FGD5: variants seen among roughly 807,000 people sequenced by gnomAD.
FGD5 encodes FYVE, RhoGEF and PH domain-containing protein 5.
Under a neutral mutation model 133.4 loss-of-function variants are expected in FGD5, and 28 were observed. The ratio of observed to expected loss-of-function variants is 0.21; its 90% CI spans 0.16 to 0.29. The LOEUF is 0.29. FGD5 is among the 10% of genes least tolerant of loss of function. The pLI, the probability that FGD5 is intolerant of heterozygous loss-of-function variation, is 1.00. For missense variants in FGD5, 1,858 were observed against 1,895.2 expected, an observed-to-expected ratio of 0.98 and a Z score of 0.36; for synonymous variants, 810 against 776.5, an observed-to-expected ratio of 1.04 and a Z score of -0.72.
chr3:14,835,736 C>A (rs752132668), intron 1 of FGD5, among the ~76,000 whole-genome samples: 5 of 152,162 alleles, frequency 3.3e-5, no homozygotes, highest in Non-Finnish European at 7.3e-5. Flanking sequence ...CCTTGCAAGG[C>A]CATGGGTGAG....
chr3:14,836,069 G>A (rs1461790356), intron 1 of FGD5, among the ~76,000 whole-genome samples: 2 of 152,204 alleles, frequency 1.3e-5, no homozygotes, highest in Non-Finnish European at 2.9e-5. Flanking sequence ...AGAGTCAGAC[G>A]TAGAACCCAG....
chr3:14,921,120 G>A (rs1339497846), intron 13 of FGD5, among the ~76,000 whole-genome samples: 1 of 152,238 alleles, frequency 6.6e-6, no homozygotes, highest in Non-Finnish European at 1.5e-5. Context: ...TAGCATGCCA[G>A]TCACCTTCCT....
intron 1 of FGD5, among the ~76,000 whole-genome samples, chr3:14,857,941 A>G (rs1044987799): frequency 6.6e-6 from 1 of 152,154 alleles, no homozygotes; most frequent in Non-Finnish European, 1.5e-5. Context: ...GGAAAAAAAA[A>G]AAAGCTGAGA....
chr3:14,902,953 C>T (rs529250132), intron 9 of FGD5, among the ~76,000 whole-genome samples: 19 of 152,332 alleles, frequency 1.2e-4, no homozygotes, highest in Middle Eastern at 3.4e-3. Flanking sequence ...TGAAGTTGGA[C>T]GCTGTGCTGG....
chr3:14,920,110 C>T (rs1434323946), intron 13 of FGD5, among the ~76,000 whole-genome samples: 2 of 152,050 alleles, frequency 1.3e-5, no homozygotes, highest in African/African-American at 4.8e-5. Context: ...GCAAGGTAAG[C>T]TCAAGCTCTC....
chr3:14,904,510 G>T (rs2038302349), intron 9 of FGD5, among the ~76,000 whole-genome samples: 1 of 151,934 alleles, frequency 6.6e-6, no homozygotes, highest in Non-Finnish European at 1.5e-5. Flanking sequence ...TTCAGGGTGT[G>T]TGTGTGTGTT....
chr3:14,836,756 C>T (rs987395842), intron 1 of FGD5, among the ~76,000 whole-genome samples: 2 of 152,074 alleles, frequency 1.3e-5, no homozygotes, highest in East Asian at 1.9e-4. Flanking sequence ...AGGCAGACCC[C>T]GATTGCTGAT....
chr3:14,932,503 C>A, intron 18 of FGD5, 74 bp from the exon 19 acceptor site: 1 of 1,513,946 alleles, frequency 6.6e-7, no homozygotes, highest in South Asian at 1.3e-5. Flanking sequence ...TCACGCATCT[C>A]AGATTGGAGA....
rs1366350674 is a variant in FGD5, at chr3:14,922,346, G to A, written c.3670-65G>A. ...ACAGAGACGCAGGGCAGGGCTCACTGGGCTCTGCATCTGGCTGGTCTCCTG... is the reference window on the plus strand; with the variant it reads ...ACAGAGACGCAGGGCAGGGCTCACTAGGCTCTGCATCTGGCTGGTCTCCTG... On this transcript the variant is annotated intron_variant, in intron 14 of 19. Transcript: ENST00000285046. This position sits in a 1 kb window ranked among gnomAD's most constrained non-coding sequence, Gnocchi z 4.1. The A allele has an allele frequency of 1.3e-6, 2 of 1,545,526 alleles. No homozygotes were observed. The highest frequency in any genetic ancestry group is 1.7e-6 in the Non-Finnish European group (2 of 1,143,146).
chr3:14,863,244 G>A (rs368811756), intron 1 of FGD5, among the ~76,000 whole-genome samples: 1 of 152,218 alleles, frequency 6.6e-6, no homozygotes, highest in Non-Finnish European at 1.5e-5. Flanking sequence ...CTGGGGCCAC[G>A]TTGCCAATGG....
intron 1 of FGD5, among the ~76,000 whole-genome samples, chr3:14,841,811 C>T (rs1051744188): frequency 4.6e-5 from 7 of 152,168 alleles, no homozygotes; most frequent in Admixed American, 2.6e-4. Flanking sequence ...CATTTCCACT[C>T]ACTCCCTCAA....
chr3:14,819,426 G>A lies in FGD5; in HGVS notation c.355G>A (p.Asp119Asn). 6.5e-7 allele frequency: 1 copy of A among 1,550,248 alleles called. No homozygotes were observed. The highest frequency in any genetic ancestry group is 8.7e-7 in the Non-Finnish European group (1 of 1,146,210). The part of the protein sequence containing the change: ...CGLEGTGAGE[D>N]SVAPAAPGAG... The stretch of plus-strand genomic sequence containing the variant: ...CCTGGAGGGTACAGGAGCTGGTGAG[G>A]ATTCAGTGGCCCCTGCTGCTCCGGG... Residue 119 changes from aspartate (D) to asparagine (N), a missense_variant, in exon 1 of 20, where the codon GAT (aspartate) becomes AAT (asparagine). By Grantham distance (23) the Asp-to-Asn change is conservative. Around this residue, in one of 3 missense-constraint regions of FGD5, gnomAD observed 1,824 missense variants for 1,848.9 expected, o/e 0.99. Coordinates refer to ENST00000285046, the MANE Select transcript of FGD5 (RefSeq NM_152536.4). This position sits in a 1 kb window ranked among gnomAD's most constrained non-coding sequence, Gnocchi z 4.1.
In FGD5 at chr3:14,934,041, T is replaced by C. The variant is rs2038941902; in HGVS notation, c.*874T>C. The C allele has an allele frequency of 6.6e-6, 1 of 152,266 alleles. No individual in the cohort carries two copies. Among genetic ancestry groups the C allele is most frequent in the African/African-American group, 2.4e-5 (1 of 41,470 alleles). 9.4% of individuals were successfully genotyped at this position (152,266 alleles called of 1,614,324 possible). On this transcript the variant is annotated 3_prime_UTR_variant, in exon 20 of 20. Transcript: ENST00000285046. ...TAATTTATTGTGTGCCTTTCTGTGT[T>C]TACCTCACTCAAGCTGACAACATTG...
chr3:14,897,439 G>A lies in FGD5; in HGVS notation c.2749-70G>A, dbSNP rs545706772. The stretch of plus-strand genomic sequence containing the variant: ...GAGGCCAGGGCTCCAAAGCCCCAGG[G>A]GAAATCTGCCAAGGAGGACTTGTGC... On this transcript the variant is annotated intron_variant, in intron 4 of 19. Coordinates refer to ENST00000285046, the MANE Select transcript of FGD5 (RefSeq NM_152536.4). 119 of 1,538,978 alleles carry A rather than the reference G, an allele frequency of 7.7e-5. 1 individual carries two copies. The East Asian group carries it at 2.9e-3, about 37-fold the overall frequency.
intron 2 of FGD5, among the ~76,000 whole-genome samples, chr3:14,868,632 C>T (rs114980266): frequency 2.6e-5 from 4 of 152,188 alleles, no homozygotes; most frequent in Non-Finnish European, 5.9e-5. Context: ...CTCCTGGGCC[C>T]CGGGGAAGGG....
chr3:14,908,940 T>TCA (rs1444070513), intron 10 of FGD5, among the ~76,000 whole-genome samples: 152 of 150,734 alleles, frequency 1.0e-3, no homozygotes, highest in African/African-American at 3.5e-3. Context: ...ATTTATTTAT[T>TCA]TATTTATTTA....
intron 17 of FGD5, among the ~76,000 whole-genome samples, chr3:14,925,456 A>AC (rs2038782380): frequency 6.6e-6 from 1 of 152,196 alleles, no homozygotes; most frequent in African/African-American, 2.4e-5. Context: ...GAGACTTAGA[A>AC]GAAGTCAGCA....
chr3:14,825,492 C>T (rs935080229), intron 1 of FGD5, among the ~76,000 whole-genome samples: 8 of 151,806 alleles, frequency 5.3e-5, no homozygotes, highest in African/African-American at 1.7e-4. Flanking sequence ...CACACGCACA[C>T]GTGTATAAAT....
rs190280811 is a variant in FGD5 at position 14,921,623 on chromosome 3, A to C, written c.3570-295A>C. ...TTCCTAATGTCTCTTGCTTTTGCAC[A>C]ATGTTGACAATGTGGTTCCACGTCC... is the stretch of plus-strand genomic sequence containing the variant. On this transcript the variant is annotated intron_variant, in intron 13 of 19. Coordinates refer to ENST00000285046, the MANE Select transcript of FGD5 (RefSeq NM_152536.4). 2.4e-4 allele frequency among the ~76,000 whole-genome samples: 36 copies of C among 152,286 alleles called. No individual in the cohort carries two copies. The East Asian group carries it at 5.6e-3, about 24-fold the overall frequency.
Sources: gnomAD v4.1 joint callset for allele counts (sites outside exome capture counted in the v4.1 genomes callset) on GRCh38, gnomAD v4.1.1 for gene constraint, gnomAD v4.1.1 regional missense constraint, Gnocchi (gnomAD v3.1) non-coding constraint, MANE v1.5 for transcripts, NCBI Gene and HGNC (gene_info 2026-07-23, HGNC 2026-07-21) for gene names.